The following GSN variants were observed in gnomAD, a reference collection of about 807,000 sequenced individuals.
GSN encodes gelsolin, also known as actin-depolymerizing factor.
In GSN, 56 loss-of-function variants were observed where a neutral mutation model predicts 85.7. That is an observed-to-expected ratio of 0.65 (90% CI 0.53 to 0.82). The LOEUF (loss-of-function observed/expected upper bound fraction) is 0.82. Among genes scored for constraint, GSN ranks in the 40% least tolerant of loss-of-function variants. The pLI is 0.00. For missense variants in GSN, 857 were observed against 979.8 expected (o/e 0.87, Z 1.67); for synonymous variants, 373 against 399.1 (o/e 0.93, Z 0.78).
upstream of GSN, among the ~76,000 whole-genome samples, chr9:121,205,089 C>A (rs1008936152): frequency 7.4e-4 from 112 of 152,122 alleles, no homozygotes; most frequent in African/African-American, 2.5e-3. Flanking sequence ...GGCCAGCTAC[C>A]TTCTAGCAGG....
At chr9:121,248,496 A>G (rs1446119540) in intron 6 of GSN, among the ~76,000 whole-genome samples, 1 of 150,740 alleles carries the variant, frequency 6.6e-6, no homozygotes, top group South Asian at 2.1e-4. Flanking sequence ...CCTTCCTTCC[A>G]TAAATTTATT....
intron 5 of GSN, among the ~76,000 whole-genome samples, chr9:121,236,965 G>A (rs1039802211): frequency 5.3e-5 from 8 of 152,220 alleles, no homozygotes; most frequent in African/African-American, 1.9e-4. Context: ...CTGTTCACAT[G>A]TCAGAATGTA....
At position 121,301,864 on chromosome 9, in the gene GSN, G is replaced by A. The variant is rs780252493; in HGVS notation, c.-9-99G>A. The A allele has an allele frequency of 6.9e-6, 11 of 1,596,078 alleles. No homozygotes were observed. In the African/African-American group the frequency reaches 1.3e-4, roughly 19 times the overall value. ...GGCGTGGGGAGAGCAGGAGGCTCAA[G>A]TGAGATGCTCTTGGTGCTAGAAACC... is the stretch of plus-strand genomic sequence containing the variant. On this transcript the variant is annotated intron_variant, in intron 2 of 17. Transcript: ENST00000432226.
At chr9:121,236,935 C>T (rs996176523) in intron 5 of GSN, among the ~76,000 whole-genome samples, 1 of 152,208 alleles carries the variant, frequency 6.6e-6, no homozygotes, top group African/African-American at 2.4e-5. Context: ...ATCTGGTAAA[C>T]ACTTTAGAAA....
intron 4 of GSN, among the ~76,000 whole-genome samples, chr9:121,305,302 A>C (rs752838530): frequency 2.6e-5 from 4 of 152,200 alleles, no homozygotes; most frequent in Non-Finnish European, 5.9e-5. Flanking sequence ...CAGAGGAGCA[A>C]ACTAACTTGC....
At chr9:121,296,211 T>C (rs1282510820) in intron 2 of GSN, among the ~76,000 whole-genome samples, 1 of 152,186 alleles carries the variant, frequency 6.6e-6, no homozygotes, top group East Asian at 1.9e-4. Flanking sequence ...TCCTGCTTGG[T>C]CTCCGCAGAC....
At chr9:121,269,774 C>T (rs1255954598) in intron 1 of GSN, among the ~76,000 whole-genome samples, 1 of 152,196 alleles carries the variant, frequency 6.6e-6, no homozygotes, top group Non-Finnish European at 1.5e-5. Context: ...CAGAATTTTC[C>T]ACAGTCCTTT....
At chr9:121,273,388 A>G (rs986512202) in intron 1 of GSN, among the ~76,000 whole-genome samples, 7 of 152,080 alleles carry the variant, frequency 4.6e-5, no homozygotes, top group Admixed American at 6.6e-5. Context: ...GTACTAAGTA[A>G]ATACTAGTTA....
chr9:121,223,344 ACTAC>A (rs1317833032), intron 4 of GSN, among the ~76,000 whole-genome samples: 27 of 152,078 alleles, frequency 1.8e-4, no homozygotes, highest in African/African-American at 6.5e-4. Context: ...TGTCTGACTA[ACTAC>A]CTACTGTAAC....
At chr9:121,313,867 A>G in intron 6 of GSN, 67 bp from the exon 7 acceptor site, 1 of 1,227,376 alleles carries the variant, frequency 8.1e-7, no homozygotes, top group South Asian at 1.2e-5. Context: ...CCTGCCTGGG[A>G]GCTATCTCAG....
intron 16 of GSN, among the ~76,000 whole-genome samples, chr9:121,330,452 A>T (rs1021173129): frequency 1.3e-5 from 2 of 152,108 alleles, no homozygotes; most frequent in Non-Finnish European, 2.9e-5. Context: ...GTGGGTGCTT[A>T]TAATCCCACC....
intron 4 of GSN, among the ~76,000 whole-genome samples, chr9:121,305,855 C>T (rs2060358019): frequency 6.6e-6 from 1 of 152,206 alleles, no homozygotes; most frequent in Non-Finnish European, 1.5e-5. Context: ...GCCCCGGCGC[C>T]CTCATCAATT....
intron 12 of GSN, among the ~76,000 whole-genome samples, chr9:121,325,187 T>C (rs979198256): frequency 1.3e-5 from 2 of 152,222 alleles, no homozygotes; most frequent in African/African-American, 4.8e-5. Context: ...GAATCATGCC[T>C]GCCATATAAG....
chr9:121,254,445 G>C, intron 6 of GSN, among the ~76,000 whole-genome samples: 1 of 152,034 alleles, frequency 6.6e-6, no homozygotes, highest in East Asian at 1.9e-4. Context: ...CCAAGTTCCT[G>C]CTCCCTCAGA....
At chr9:121,296,561 A>G (rs1410443418) in intron 2 of GSN, among the ~76,000 whole-genome samples, 1 of 152,106 alleles carries the variant, frequency 6.6e-6, no homozygotes, top group East Asian at 1.9e-4. Context: ...ATCAGGCCCT[A>G]CCCTGTATTT....
At chr9:121,244,417 A>G (rs2054660446) in intron 5 of GSN, among the ~76,000 whole-genome samples, 1 of 152,228 alleles carries the variant, frequency 6.6e-6, no homozygotes. Flanking sequence ...AGACTGGCAA[A>G]ATGTTTTCCA....
In GSN at chr9:121,299,971, CG is replaced by C; in HGVS notation, c.-9-1987del. 1 of 1,325,096 alleles carries C rather than the reference CG, an allele frequency of 7.5e-7. No individual in the cohort carries two copies. The highest frequency in any genetic ancestry group is 9.7e-7 in the Non-Finnish European group (1 of 1,034,856). The allele number at this position is 1,325,096 out of a possible 1,614,324, so 82.1% of individuals were successfully genotyped here. A position where few individuals can be genotyped will look rare whatever the true frequency, so the allele number is the denominator to read the frequency against. On this transcript the variant is annotated intron_variant, in intron 2 of 17. Transcript: ENST00000432226. The surrounding 1 kb of genome is among the most constrained non-coding windows in gnomAD (Gnocchi z 4.2). ...ACTGCGTCGCGGGGGGCGTCCCAGG[CG>C]GGGGCGCCCCAGGGGCGGGTGCCCG... is the stretch of plus-strand genomic sequence containing the variant.
chr9:121,264,098 T>C (rs1297634637), upstream of GSN, among the ~76,000 whole-genome samples: 1 of 152,004 alleles, frequency 6.6e-6, no homozygotes, highest in Non-Finnish European at 1.5e-5. Flanking sequence ...AATTATAAGT[T>C]TATATAGATT....
At chr9:121,264,132 C>T (rs1029085420), upstream of GSN, among the ~76,000 whole-genome samples, 1 of 152,082 alleles carries the variant, frequency 6.6e-6, no homozygotes, top group South Asian at 2.1e-4. Context: ...GTGCTTAATA[C>T]AGCCTTAATA....
Sources: allele counts gnomAD v4.1 joint callset (sites outside exome capture counted in the v4.1 genomes callset), GRCh38; gene constraint gnomAD v4.1.1; non-coding constraint Gnocchi (gnomAD v3.1); transcripts MANE v1.5; gene names NCBI Gene and HGNC (gene_info 2026-07-23, HGNC 2026-07-21).